PRAMEF12: variants seen among roughly 807,000 people sequenced by gnomAD.
PRAMEF12 encodes PRAME family member 12.
PRAMEF12 carries 24 observed loss-of-function variants against 24.6 expected under a neutral mutation model. The observed-to-expected ratio is 0.98, with a 90% CI of 0.71 to 1.37. The LOEUF is 1.37. PRAMEF12 is among the 40% of genes most tolerant of loss of function. PRAMEF12 has a pLI of 0.00. For synonymous variants in PRAMEF12, 286 were observed against 242.6 expected, an observed-to-expected ratio of 1.18 and a Z score of -1.66; for missense variants, 646 against 580.3, an observed-to-expected ratio of 1.11 and a Z score of -1.16.
chr1:12,776,683 A>G (rs932714991), intron 2 of PRAMEF12, among the ~76,000 whole-genome samples: 1 of 152,008 alleles, frequency 6.6e-6, no homozygotes, highest in Non-Finnish European at 1.5e-5. Flanking sequence ...CAGCCTGGCC[A>G]CCCCAGCTGA....
chr1:12,776,647 T>A (rs1639055547), intron 2 of PRAMEF12, among the ~76,000 whole-genome samples: 1 of 152,148 alleles, frequency 6.6e-6, no homozygotes, highest in Non-Finnish European at 1.5e-5. Context: ...GGTTTGCTGA[T>A]GATACGGGCA....
intron 1 of PRAMEF12, 108 bp downstream of exon 1, chr1:12,775,262 G>C: frequency 7.8e-7 from 1 of 1,274,278 alleles, no homozygotes; most frequent in Non-Finnish European, 1.1e-6. Flanking sequence ...CTTCTGATGG[G>C]GCTGGGGAGG....
rs1417881389 is a variant in PRAMEF12 at position 12,775,075 on chromosome 1, A to G, written c.208A>G (p.Met70Val). ...PFTCLPLGSL[M>V]KSCNLEIFRA... is the part of the protein sequence containing the mutation. ...CACCTGCCTTCCTCTAGGGTCCCTG[A>G]TGAAGTCATGTAATCTAGAGATCTT... Residue 70 changes from methionine (M) to valine (V), a missense_variant, in exon 1 of 3, where the codon ATG becomes GTG. By Grantham distance (21) the Met-to-Val change is conservative. Transcript: ENST00000357726. 1 of 1,614,132 alleles carries G rather than the reference A, an allele frequency of 6.2e-7. No individual in the cohort carries two copies. The highest frequency in any genetic ancestry group is 2.2e-5 in the East Asian group (1 of 44,870).
rs1395590384 is a variant in PRAMEF12 at position 12,777,788 on chromosome 1, C to T, written c.*189C>T. 2 of 650,342 alleles carry T rather than the reference C, an allele frequency of 3.1e-6. No homozygotes were observed. The highest frequency in any genetic ancestry group is 2.8e-5 in the East Asian group (1 of 36,340). The allele number at this position is 650,342 out of a possible 1,614,324, so 40.3% of individuals were successfully genotyped here. On this transcript the variant is annotated 3_prime_UTR_variant, in exon 3 of 3. Transcript: ENST00000357726. ...TTTAGAGACCTGTGTCCCAGAGAAT[C>T]AGAAATGGGAATCTGAATTGCTAGA... is the stretch of plus-strand genomic sequence containing the variant.
At position 12,773,904 on chromosome 1, in the gene PRAMEF12, G is replaced by A. The variant is rs749326444; in HGVS notation, c.-964G>A. 6.6e-6 allele frequency among the ~76,000 whole-genome samples: 1 copy of A among 152,208 alleles called. No individual in the cohort carries two copies. The highest frequency in any genetic ancestry group is 1.5e-5 in the Non-Finnish European group (1 of 68,040). ...TGGTGACATGCAGCCCAAGGTGGCA[G>A]AGAGAATTTTCTTGTCTGTTTTCAG... On this transcript the variant is annotated 5_prime_UTR_variant, in exon 1 of 3. Coordinates refer to ENST00000357726, the MANE Select transcript of PRAMEF12 (RefSeq NM_001080830.5).
intron 2 of PRAMEF12, 94 bp downstream of exon 2, chr1:12,776,212 T>C (rs1048491908): frequency 1.5e-6 from 2 of 1,324,574 alleles, no homozygotes; most frequent in African/African-American, 2.9e-5. Context: ...AGCCAGCTTG[T>C]GAGGAGGTAA....
At chr1:12,776,174 C>T (rs1639049647) in intron 2 of PRAMEF12, 56 bp downstream of exon 2, 5 of 1,538,058 alleles carry the variant, frequency 3.3e-6, no homozygotes, top group East Asian at 2.2e-5. Flanking sequence ...TTCTTTATTA[C>T]TGTAAACACC....
Position 12,777,650 on chromosome 1 carries a change from C to A in PRAMEF12, c.*51C>A. On this transcript the variant is annotated 3_prime_UTR_variant, in exon 3 of 3. Coordinates refer to ENST00000357726, the MANE Select transcript of PRAMEF12 (RefSeq NM_001080830.5). ...TGAATCCTAGGCCATGAGTGTATGTCAAAGGGAGCACAGACCCATCGTTTC... is the reference window on the plus strand; with the variant it reads ...TGAATCCTAGGCCATGAGTGTATGTAAAAGGGAGCACAGACCCATCGTTTC... 6.4e-7 allele frequency: 1 copy of A among 1,566,794 alleles called. No homozygotes were observed. The highest frequency in any genetic ancestry group is 8.7e-7 in the Non-Finnish European group (1 of 1,145,076).
In PRAMEF12 at chr1:12,776,102, C is replaced by G. The variant is rs186486788; in HGVS notation, c.847C>G (p.Leu283Val). ...MHSVSFLEGH[L>V]DQLLRCLQAP... ...CTCTGTCTCTTTCCTCGAAGGCCACCTGGACCAGCTGCTCAGGTGAGGAAG... is the reference window on the plus strand; with the variant it reads ...CTCTGTCTCTTTCCTCGAAGGCCACGTGGACCAGCTGCTCAGGTGAGGAAG... The change falls in exon 2 of 3, where the codon CTG becomes GTG. Residue 283 changes from leucine (L) to valine (V), a missense_variant. Physicochemically the swap from Leu to Val is conservative, Grantham distance 32. Transcript: ENST00000357726. 3.7e-6 allele frequency: 6 copies of G among 1,614,116 alleles called. No individual in the cohort carries two copies. In the East Asian group the frequency reaches 1.3e-4, roughly 36 times the overall value.
chr1:12,777,775 T>C lies in PRAMEF12; in HGVS notation c.*176T>C. 1.5e-6 allele frequency: 1 copy of C among 671,822 alleles called. No homozygotes were observed. The highest frequency in any genetic ancestry group is 2.0e-5 in the South Asian group (1 of 49,852). The allele number at this position is 671,822 out of a possible 1,614,324, so 41.6% of individuals were successfully genotyped here. On this transcript the variant is annotated 3_prime_UTR_variant, in exon 3 of 3. Transcript: ENST00000357726. Reference sequence around the variant, plus strand: ...AGTCAATAGGAGCTTTAGAGACCTGTGTCCCAGAGAATCAGAAATGGGAAT... The same window carrying C: ...AGTCAATAGGAGCTTTAGAGACCTGCGTCCCAGAGAATCAGAAATGGGAAT...
In PRAMEF12 at chr1:12,776,134, G is replaced by A. The variant is rs1639048704; in HGVS notation, c.863+16G>A. On this transcript the variant is annotated intron_variant, in intron 2 of 2. Transcript: ENST00000357726. ...AGCTGCTCAGGTGAGGAAGTATGGT[G>A]AGCTTTCTCTGCAGACCGCAGCAAA... 1.2e-6 allele frequency: 2 copies of A among 1,609,070 alleles called. No individual in the cohort carries two copies. The highest frequency in any genetic ancestry group is 1.7e-5 in the Admixed American group (1 of 59,992).
In PRAMEF12 at chr1:12,775,941, T is replaced by C. The variant is rs978851962; in HGVS notation, c.686T>C (p.Met229Thr). Residue 229 changes from methionine (M) to threonine (T), a missense_variant, in exon 2 of 3, where the codon ATG (methionine) becomes ACG (threonine). Met to Thr is a moderately conservative substitution (Grantham distance 81). Transcript: ENST00000357726. ...AGGTTCGCCCCTTACCTGGGCCAGA[T>C]GAGGAATCTCCGCAAACTTGTTCTC... ...LIRFAPYLGQ[M>T]RNLRKLVLFN... 1 of 1,614,140 alleles carries C rather than the reference T, an allele frequency of 6.2e-7. No homozygotes were observed. The highest frequency in any genetic ancestry group is 1.7e-5 in the Admixed American group (1 of 60,026).
chr1:12,775,229 G>A (rs900212089), intron 1 of PRAMEF12, 75 bp downstream of exon 1: 45 of 1,496,228 alleles, frequency 3.0e-5, no homozygotes, highest in Non-Finnish European at 4.0e-5. Flanking sequence ...GAAGGAGTGG[G>A]AGGCCCAAGG....
At chr1:12,776,260 G>A in intron 2 of PRAMEF12, 142 bp downstream of exon 2, 1 of 882,886 alleles carries the variant, frequency 1.1e-6, no homozygotes, top group Non-Finnish European at 1.8e-6. Flanking sequence ...GCATTGTCCT[G>A]TTGGCAGCTC....
Position 12,777,358 on chromosome 1 carries a change from G to T in PRAMEF12, c.1211G>T (p.Ser404Ile). The T allele has an allele frequency of 6.2e-7, 1 of 1,613,740 alleles. No homozygotes were observed. Among genetic ancestry groups the T allele is most frequent in the East Asian group, 2.2e-5 (1 of 44,876 alleles). The change falls in exon 3 of 3, where the codon AGC (serine) becomes ATC (isoleucine). Residue 404 changes from serine to isoleucine, a missense_variant. Coordinates refer to ENST00000357726, the MANE Select transcript of PRAMEF12 (RefSeq NM_001080830.5). ...ENLLRHTVGLSKLSLELYPAP... is the reference protein window; with the variant it reads ...ENLLRHTVGLIKLSLELYPAP... ...CTGCTGCGCCACACCGTCGGGCTGA[G>T]CAAGCTAAGCCTGGAGCTGTATCCT...
In PRAMEF12 at chr1:12,774,402, C is replaced by A. The variant is rs1044958077; in HGVS notation, c.-466C>A. Among the ~76,000 whole-genome samples the A allele has an allele frequency of 3.9e-5, 6 of 152,152 alleles. No individual in the cohort carries two copies. Among genetic ancestry groups the A allele is most frequent in the Non-Finnish European group, 8.8e-5 (6 of 68,020 alleles). Reference sequence around the variant, plus strand: ...ATGCTGTTTTTACAATTTCTTGTTACAATTTTTCAAAATAAAAAATAATGG... The same window carrying A: ...ATGCTGTTTTTACAATTTCTTGTTAAAATTTTTCAAAATAAAAAATAATGG... On this transcript the variant is annotated 5_prime_UTR_variant, in exon 1 of 3. Coordinates refer to ENST00000357726, the MANE Select transcript of PRAMEF12 (RefSeq NM_001080830.5).
intron 2 of PRAMEF12, 84 bp from the exon 3 acceptor site, chr1:12,776,927 C>T (rs1639058613): frequency 2.9e-6 from 4 of 1,374,702 alleles, no homozygotes; most frequent in Non-Finnish European, 4.0e-6. Flanking sequence ...ATAAGCAGAA[C>T]AGCCTTGGGT....
intron 2 of PRAMEF12, 79 bp downstream of exon 2, chr1:12,776,197 C>T: frequency 1.4e-6 from 2 of 1,434,596 alleles, no homozygotes; most frequent in Non-Finnish European, 1.9e-6. Flanking sequence ...GGGGTATCTA[C>T]TGTGAGCCAG....
Position 12,775,887 on chromosome 1 carries a change from G to T in PRAMEF12, c.632G>T (p.Cys211Phe). The T allele has an allele frequency of 1.2e-6, 2 of 1,614,084 alleles. No homozygotes were observed. Among genetic ancestry groups the T allele is most frequent in the Non-Finnish European group, 1.7e-6 (2 of 1,180,028 alleles). The change falls in exon 2 of 3, where the codon TGC becomes TTC. Residue 211 changes from cysteine (C) to phenylalanine (F), a missense_variant. Physicochemically the swap from Cys to Phe is radical, Grantham distance 205. Coordinates refer to ENST00000357726, the MANE Select transcript of PRAMEF12 (RefSeq NM_001080830.5). ...GACTGTATCCAGGAGGTGGAAGTGTGCTGCCCGTGGGAGCTGTCCATTCTT... is the reference window on the plus strand; with the variant it reads ...GACTGTATCCAGGAGGTGGAAGTGTTCTGCCCGTGGGAGCTGTCCATTCTT... ...ELDCIQEVEV[C>F]CPWELSILIR... is the part of the protein sequence containing the mutation.
Sources: gnomAD v4.1 joint callset for allele counts (sites outside exome capture counted in the v4.1 genomes callset) on GRCh38, gnomAD v4.1.1 for gene constraint, MANE v1.5 for transcripts, NCBI Gene and HGNC (gene_info 2026-07-23, HGNC 2026-07-21) for gene names.